The following ITGB3 variants were observed in gnomAD, a reference collection of about 807,000 sequenced individuals.
The protein encoded by ITGB3 is integrin subunit beta 3.
ITGB3 carries 48 observed loss-of-function variants against 85.8 expected under a neutral mutation model. That is an observed-to-expected ratio of 0.56 (90% CI 0.44 to 0.71). The LOEUF (loss-of-function observed/expected upper bound fraction) is 0.71. ITGB3 is among the 30% of genes least tolerant of loss of function. The pLI is 0.00. For synonymous variants in ITGB3, 363 were observed against 395.6 expected, an observed-to-expected ratio of 0.92 and a Z score of 0.98; for missense variants, 861 against 1,019.1, an observed-to-expected ratio of 0.84 and a Z score of 2.11.
At chr17:47,276,127 C>T (rs1328400774) in intron 2 of ITGB3, among the ~76,000 whole-genome samples, 2 of 152,204 alleles carry the variant, frequency 1.3e-5, no homozygotes, top group African/African-American at 2.4e-5. Flanking sequence ...CCTAGTGTCA[C>T]TCAAAGGGTG....
chr17:47,308,278 T>C (rs1277689535), intron 14 of ITGB3, among the ~76,000 whole-genome samples: 1 of 152,092 alleles, frequency 6.6e-6, no homozygotes. Context: ...GAACTTTCTA[T>C]ATACTTAATC....
At chr17:47,285,355 T>C (rs1399137870) in intron 4 of ITGB3, among the ~76,000 whole-genome samples, 1 of 152,220 alleles carries the variant, frequency 6.6e-6, no homozygotes, top group Non-Finnish European at 1.5e-5. Context: ...CTCACTTCTG[T>C]AATCCCAGCA....
In ITGB3 at chr17:47,283,336, T is replaced by C. The variant is rs947964057; in HGVS notation, c.166-18T>C. On this transcript the variant is annotated intron_variant, in intron 2 of 14. Coordinates refer to ENST00000559488, the MANE Select transcript of ITGB3 (RefSeq NM_000212.3). Reference sequence around the variant, plus strand: ...TAGCTCTGATTGCTGGACTTCTCTTTGGGCTCCTGTCTTACAGGCCCTGCC... The same window carrying C: ...TAGCTCTGATTGCTGGACTTCTCTTCGGGCTCCTGTCTTACAGGCCCTGCC... 1 of 1,613,822 alleles carries C rather than the reference T, an allele frequency of 6.2e-7. No individual in the cohort carries two copies. The highest frequency in any genetic ancestry group is 8.5e-7 in the Non-Finnish European group (1 of 1,179,882).
intron 1 of ITGB3, among the ~76,000 whole-genome samples, chr17:47,255,342 ATACTT>A (rs1236372359): frequency 1.3e-5 from 2 of 152,004 alleles, no homozygotes; most frequent in East Asian, 3.9e-4. Context: ...CTATTCGAAA[ATACTT>A]TAGTGATTCC....
chr17:47,291,541 A>G, intron 9 of ITGB3: 1 of 289,530 alleles, frequency 3.5e-6, no homozygotes, highest in South Asian at 5.0e-5. Context: ...GCTTCTGCCT[A>G]AGGGGAGAGG....
intron 1 of ITGB3, 99 bp downstream of exon 1, chr17:47,254,039 C>T: frequency 1.4e-6 from 1 of 731,236 alleles, no homozygotes; most frequent in Non-Finnish European, 1.9e-6. Flanking sequence ...GGGCTGGTCC[C>T]GCGCGTCTGC....
intron 2 of ITGB3, among the ~76,000 whole-genome samples, chr17:47,278,582 T>TA (rs57066134): frequency 2.7e-3 from 388 of 145,644 alleles, no homozygotes; most frequent in African/African-American, 9.1e-3. Context: ...AAACTCCATC[T>TA]AAAAAAAAAA....
At chr17:47,272,736 TTTTC>T (rs1467423797) in intron 1 of ITGB3, among the ~76,000 whole-genome samples, 12 of 107,614 alleles carry the variant, frequency 1.1e-4, no homozygotes, top group African/African-American at 2.3e-4. Flanking sequence ...TCGTTCTTTC[TTTTC>T]TTTCTTTCTC....
rs2065209894 is a variant in ITGB3, at chr17:47,310,492, T to C, written c.*288T>C. The C allele has an allele frequency of 2.0e-6, 1 of 496,174 alleles. No individual in the cohort carries two copies. The highest frequency in any genetic ancestry group is 2.9e-5 in the Admixed American group (1 of 33,902). The allele number at this position is 496,174 out of a possible 1,614,324, so 30.7% of individuals were successfully genotyped here. The stretch of plus-strand genomic sequence containing the variant: ...CCAGAATGCCTCCTGCAGGGATTCT[T>C]CCTGCTTAGCTTGAGGGTGACTATG... On this transcript the variant is annotated 3_prime_UTR_variant, in exon 15 of 15. Transcript: ENST00000559488.
intron 10 of ITGB3, among the ~76,000 whole-genome samples, chr17:47,294,092 TAG>T (rs536192364): frequency 1.3e-5 from 2 of 152,238 alleles, no homozygotes; most frequent in East Asian, 1.9e-4. Context: ...GTCAAAATTT[TAG>T]AGAGAGTTTG....
At position 47,310,190 on chromosome 17, in the gene ITGB3, T is replaced by C; in HGVS notation, c.2353T>C (p.Tyr785His). ...CACGTCTACCTTCACCAATATCACGTACCGGGGCACTTAATGATAAGCAGT... is the reference window on the plus strand; with the variant it reads ...CACGTCTACCTTCACCAATATCACGCACCGGGGCACTTAATGATAAGCAGT... The part of the protein sequence containing the change: ...EATSTFTNIT[Y>H]RGT The change falls in exon 15 of 15, where the codon TAC becomes CAC. Residue 785 changes from tyrosine (Y) to histidine (H), a missense_variant. Physicochemically the swap from Tyr to His is moderately conservative, Grantham distance 83. Transcript: ENST00000559488. 6.2e-7 allele frequency: 1 copy of C among 1,613,970 alleles called. No individual in the cohort carries two copies. The highest frequency in any genetic ancestry group is 8.5e-7 in the Non-Finnish European group (1 of 1,179,906).
rs368076398 is a variant in ITGB3 at position 47,301,871 on chromosome 17, G to A, written c.2015-850G>A. Reference sequence around the variant, plus strand: ...GAATGGCAAATTAAGATAAGAACTAGGTCCTGAAATCCGTACTCTTTTCCC... The same window carrying A: ...GAATGGCAAATTAAGATAAGAACTAAGTCCTGAAATCCGTACTCTTTTCCC... On this transcript the variant is annotated intron_variant, in intron 12 of 14. Transcript: ENST00000559488. 5.9e-5 allele frequency among the ~76,000 whole-genome samples: 9 copies of A among 152,172 alleles called. No homozygotes were observed. In the East Asian group the frequency reaches 1.5e-3, roughly 26 times the overall value.
rs79858003 is a variant in ITGB3, at chr17:47,267,526, G to T, written c.80-6893G>T. Among the ~76,000 whole-genome samples, 705 of 152,292 alleles carry T rather than the reference G, an allele frequency of 4.6e-3. 18 individuals are homozygous for T. In the East Asian group the frequency reaches 0.056, roughly 12 times the overall value. On this transcript the variant is annotated intron_variant, in intron 1 of 14. Coordinates refer to ENST00000559488, the MANE Select transcript of ITGB3 (RefSeq NM_000212.3). Reference sequence around the variant, plus strand: ...TTAACCACTGCATTCCAGGGAATCTGCCTGGGTAGCAGGACTTGGTTGGGG... The same window carrying T: ...TTAACCACTGCATTCCAGGGAATCTTCCTGGGTAGCAGGACTTGGTTGGGG...
intron 2 of ITGB3, among the ~76,000 whole-genome samples, chr17:47,278,878 C>T (rs1294092945): frequency 6.6e-6 from 1 of 152,204 alleles, no homozygotes; most frequent in Admixed American, 6.5e-5. Context: ...CAGTTTCATT[C>T]TGAAACCATC....
rs370284989 is a variant in ITGB3, at chr17:47,284,637, C to T, written c.556C>T (p.Pro186Ser). ...RIGFGAFVDK[P>S]VSPYMYISPP... ...TGGCTTCGGGGCATTTGTGGACAAGCCTGTGTCACCATACATGTATATCTC... is the reference window on the plus strand; with the variant it reads ...TGGCTTCGGGGCATTTGTGGACAAGTCTGTGTCACCATACATGTATATCTC... The change falls in exon 4 of 15, where the codon CCT becomes TCT. Residue 186 changes from proline (P) to serine (S), a missense_variant. Transcript: ENST00000559488. 3.7e-6 allele frequency: 6 copies of T among 1,614,118 alleles called. No individual in the cohort carries two copies. The highest frequency in any genetic ancestry group is 2.2e-5 in the East Asian group (1 of 44,878).
In ITGB3 at chr17:47,299,412, C is replaced by T. The variant is rs1050002379; in HGVS notation, c.1795C>T (p.Leu599=). 2 of 1,614,252 alleles carry T rather than the reference C, an allele frequency of 1.2e-6. No homozygotes were observed. Among genetic ancestry groups the T allele is most frequent in the Non-Finnish European group, 8.5e-7 (1 of 1,180,038 alleles). ...RTDTCMSSNG[L]LCSGRGKCEC... is the part of the protein sequence containing the mutation. ...TGACACCTGCATGTCCAGCAATGGG[C>T]TGCTGTGCAGCGGCCGCGGCAAGTG... Residue 599 remains leucine (L), a synonymous_variant, in exon 11 of 15, where the codon CTG becomes TTG. Coordinates refer to ENST00000559488, the MANE Select transcript of ITGB3 (RefSeq NM_000212.3). The surrounding 1 kb of genome is among the most constrained non-coding windows in gnomAD (Gnocchi z 5.1).
intron 2 of ITGB3, among the ~76,000 whole-genome samples, chr17:47,276,603 C>T (rs115492947): frequency 3.7e-3 from 565 of 152,096 alleles, no homozygotes; most frequent in African/African-American, 0.012. Flanking sequence ...TGAAAGGAGG[C>T]GGGGCCAAGG....
intron 1 of ITGB3, 106 bp downstream of exon 1, chr17:47,254,046 C>T: frequency 2.8e-6 from 2 of 710,048 alleles, no homozygotes; most frequent in Non-Finnish European, 4.0e-6. Flanking sequence ...TCCCGCGCGT[C>T]TGCGCTGGGA....
rs141225656 is a variant in ITGB3 at position 47,284,450 on chromosome 17, G to A, written c.369G>A (p.Ser123=). Residue 123 remains serine (S), a synonymous_variant, in exon 4 of 15, where the codon TCG becomes TCA. Coordinates refer to ENST00000559488, the MANE Select transcript of ITGB3 (RefSeq NM_000212.3). Reference sequence around the variant, plus strand: ...CATCTTTCTGCCTTCCAGATGATTCGAAGAATTTCTCCATCCAAGTGCGGC... The same window carrying A: ...CATCTTTCTGCCTTCCAGATGATTCAAAGAATTTCTCCATCCAAGTGCGGC... The part of the protein sequence containing the change: ...RIALRLRPDD[S]KNFSIQVRQV... 45 of 1,614,092 alleles carry A rather than the reference G, an allele frequency of 2.8e-5. No individual in the cohort carries two copies. The highest frequency in any genetic ancestry group is 1.5e-4 in the African/African-American group (11 of 75,006).
Sources: allele counts gnomAD v4.1 joint callset (sites outside exome capture counted in the v4.1 genomes callset), GRCh38; gene constraint gnomAD v4.1.1; non-coding constraint Gnocchi (gnomAD v3.1); transcripts MANE v1.5; gene names NCBI Gene and HGNC (gene_info 2026-07-23, HGNC 2026-07-21).